FRK: variants seen among roughly 807,000 people sequenced by gnomAD.
The protein encoded by FRK is fyn related Src family tyrosine kinase, also known as tyrosine-protein kinase FRK.
A neutral mutation model predicts 56.4 loss-of-function variants in FRK; 51 were observed. That is an observed-to-expected ratio of 0.90 (90% CI 0.72 to 1.14). The LOEUF (loss-of-function observed/expected upper bound fraction) is 1.14, where lower values mean the gene tolerates loss of function less well. Ranked by LOEUF, FRK falls within the 50% of genes most tolerant of loss-of-function variation. FRK has a pLI of 0.00. For synonymous variants in FRK, 245 were observed against 217.9 expected (o/e 1.12, Z -1.10); for missense variants, 570 against 601.4 (o/e 0.95, Z 0.55).
intron 1 of FRK, among the ~76,000 whole-genome samples, chr6:116,054,135 T>C (rs1180656236): frequency 6.6e-6 from 1 of 151,616 alleles, no homozygotes; most frequent in Non-Finnish European, 1.5e-5. Flanking sequence ...ACATAAACAG[T>C]ACAATTATAT....
upstream of FRK, among the ~76,000 whole-genome samples, chr6:116,061,110 G>A (rs1439880060): frequency 6.6e-6 from 1 of 152,128 alleles, no homozygotes; most frequent in African/African-American, 2.4e-5. Flanking sequence ...GAAATTCACG[G>A]CAGAGATTTT....
intron 2 of FRK, among the ~76,000 whole-genome samples, chr6:115,998,165 C>A (rs1774915109): frequency 6.6e-6 from 1 of 152,178 alleles, no homozygotes; most frequent in South Asian, 2.1e-4. Context: ...CTGCAGAATG[C>A]TGATGGACTC....
At chr6:115,949,569 G>C (rs567958122) in intron 5 of FRK, among the ~76,000 whole-genome samples, 2 of 152,262 alleles carry the variant, frequency 1.3e-5, no homozygotes, top group African/African-American at 4.8e-5. Flanking sequence ...CATGCTCACA[G>C]ATAGAAAGAA....
chr6:115,943,417 C>T lies in FRK; in HGVS notation c.1141-232G>A, dbSNP rs117907082. Reference sequence around the variant, plus strand: ...AGAGCCTACTATGTGCCAAGAATAGCACTGAAAGAAACATTCTACTACATT... The same window carrying T: ...AGAGCCTACTATGTGCCAAGAATAGTACTGAAAGAAACATTCTACTACATT... On this transcript the variant is annotated intron_variant, in intron 6 of 7. Coordinates refer to ENST00000606080, the MANE Select transcript of FRK (RefSeq NM_002031.3). Among the ~76,000 whole-genome samples the T allele has an allele frequency of 4.5e-4, 67 of 147,468 alleles. 1 individual carries two copies. The East Asian group carries it at 7.6e-3, about 17-fold the overall frequency.
chr6:115,985,614 G>GTGTGACCTTGGACAGCTGACCTTGGA (rs1291437680), intron 2 of FRK, among the ~76,000 whole-genome samples: 43 of 152,174 alleles, frequency 2.8e-4, no homozygotes, highest in Non-Finnish European at 4.9e-4. Flanking sequence ...ACTCCATGAC[G>GTGTGACCTTGGACAGCTGACCTTGGA]CAGTTACTTC....
At chr6:116,074,796 T>C in the FRK span, among the ~76,000 whole-genome samples, 1 of 152,134 alleles carries the variant, frequency 6.6e-6, no homozygotes, top group African/African-American at 2.4e-5. Flanking sequence ...AACTTCCTAA[T>C]GCTCTCCAGT....
intron 5 of FRK, among the ~76,000 whole-genome samples, chr6:115,947,194 G>A (rs1174071765): frequency 6.6e-6 from 1 of 151,890 alleles, no homozygotes; most frequent in Non-Finnish European, 1.5e-5. Flanking sequence ...TTGCTTATTT[G>A]TTTGCTTTAT....
the FRK span, among the ~76,000 whole-genome samples, chr6:116,071,414 A>T: frequency 1.3e-5 from 2 of 152,190 alleles, no homozygotes; most frequent in African/African-American, 4.8e-5. Flanking sequence ...AATCCACTCA[A>T]CAAACCTAGC....
intron 2 of FRK, among the ~76,000 whole-genome samples, chr6:115,975,867 T>C (rs546000119): frequency 6.6e-6 from 1 of 152,242 alleles, no homozygotes; most frequent in South Asian, 2.1e-4. Flanking sequence ...GTCGAAGAAT[T>C]AGGACATATT....
chr6:115,965,226 A>G (rs1367914662), intron 4 of FRK, among the ~76,000 whole-genome samples: 2 of 139,106 alleles, frequency 1.4e-5, no homozygotes, highest in African/African-American at 5.4e-5. Flanking sequence ...AACCCCATCA[A>G]AAAGTGGGCG....
At chr6:116,078,937 T>C in the FRK span, among the ~76,000 whole-genome samples, 49 of 152,348 alleles carry the variant, frequency 3.2e-4, no homozygotes, top group African/African-American at 1.1e-3. Flanking sequence ...TTAAGATTCA[T>C]CTAGTTTGTA....
chr6:116,060,097 A>G lies in FRK; in HGVS notation c.215T>C (p.Leu72Pro). 6.2e-7 allele frequency: 1 copy of G among 1,614,184 alleles called. No individual in the cohort carries two copies. Among genetic ancestry groups the G allele is most frequent in the Non-Finnish European group, 8.5e-7 (1 of 1,180,032 alleles). Residue 72 changes from leucine to proline, a missense_variant, in exon 1 of 8, where the codon CTG (leucine) becomes CCG (proline). By Grantham distance (98) the Leu-to-Pro change is moderately conservative. Transcript: ENST00000606080. The part of the protein sequence containing the change: ...SFRAGDKLQV[L>P]DTLHEGWWFA... ...CCACCAGCCCTCATGCAAAGTGTCC[A>G]GAACTTGAAGTTTGTCACCTGCTCG...
chr6:115,956,814 C>T (rs1171154593), intron 4 of FRK, among the ~76,000 whole-genome samples: 2 of 152,032 alleles, frequency 1.3e-5, no homozygotes, highest in African/African-American at 4.8e-5. Context: ...CAGGAGTATA[C>T]GGTTTATATG....
At chr6:115,958,680 G>GA (rs1773140339) in intron 4 of FRK, among the ~76,000 whole-genome samples, 1 of 8,996 alleles carries the variant, frequency 1.1e-4, no homozygotes, top group Non-Finnish European at 1.8e-4. Context: ...AAGAAAGAAA[G>GA]AAAGAAAGAA....
intron 5 of FRK, among the ~76,000 whole-genome samples, chr6:115,953,182 T>A (rs1435558389): frequency 1.1e-5 from 1 of 88,782 alleles, no homozygotes; most frequent in Non-Finnish European, 2.3e-5. Context: ...TTAAGGCCAT[T>A]TTTTTTTTTT....
At chr6:116,065,783 A>G (rs970119463), upstream of FRK, among the ~76,000 whole-genome samples, 1 of 152,192 alleles carries the variant, frequency 6.6e-6, no homozygotes, top group Non-Finnish European at 1.5e-5. Flanking sequence ...ATATTGACAC[A>G]ATGCCTAACA....
the FRK span, among the ~76,000 whole-genome samples, chr6:116,078,593 G>A: frequency 2.0e-5 from 3 of 152,182 alleles, no homozygotes; most frequent in Non-Finnish European, 2.9e-5. Flanking sequence ...TCAAAATTGT[G>A]AGATAGAGCT....
At chr6:116,073,108 C>A in the FRK span, among the ~76,000 whole-genome samples, 1 of 152,062 alleles carries the variant, frequency 6.6e-6, no homozygotes, top group Non-Finnish European at 1.5e-5. Flanking sequence ...GTTAGTATTG[C>A]AGAATTTTGG....
At chr6:116,004,854 A>AC (rs1392690559) in intron 1 of FRK, among the ~76,000 whole-genome samples, 1 of 152,098 alleles carries the variant, frequency 6.6e-6, no homozygotes, top group Non-Finnish European at 1.5e-5. Flanking sequence ...TTCACAAATG[A>AC]CCCCTCACTG....
Sources: allele counts gnomAD v4.1 joint callset (sites outside exome capture counted in the v4.1 genomes callset), GRCh38; gene constraint gnomAD v4.1.1; transcripts MANE v1.5; gene names NCBI Gene and HGNC (gene_info 2026-07-23, HGNC 2026-07-21).